Variants in PHLDB2 observed in about 807,000 individuals in gnomAD.
The protein encoded by PHLDB2 is pleckstrin homology-like domain family B member 2.
In PHLDB2, 71 loss-of-function variants were observed where a neutral mutation model predicts 123.6. That is an observed-to-expected ratio of 0.57 (90% CI 0.47 to 0.70). The LOEUF (loss-of-function observed/expected upper bound fraction) is 0.70. PHLDB2 is among the 30% of genes least tolerant of loss of function. The pLI, the probability that PHLDB2 is intolerant of heterozygous loss-of-function variation, is 0.00. For synonymous variants in PHLDB2, 547 were observed against 541.6 expected, an observed-to-expected ratio of 1.01 and a Z score of -0.14; for missense variants, 1,446 against 1,519.5, an observed-to-expected ratio of 0.95 and a Z score of 0.80.
chr3:111,814,662 G>A (rs2061993094), intron 1 of PHLDB2, among the ~76,000 whole-genome samples: 1 of 151,396 alleles, frequency 6.6e-6, no homozygotes, highest in African/African-American at 2.4e-5. Flanking sequence ...GTGGGGGTTG[G>A]CTTATGATTC....
intron 2 of PHLDB2, among the ~76,000 whole-genome samples, chr3:111,850,316 G>A (rs1217357953): frequency 1.3e-5 from 2 of 152,060 alleles, no homozygotes; most frequent in African/African-American, 2.4e-5. Flanking sequence ...AGGGGGGCAG[G>A]GCTAGGGATA....
chr3:111,735,093 G>T (rs1489111880), intron 1 of PHLDB2, among the ~76,000 whole-genome samples: 2 of 152,256 alleles, frequency 1.3e-5, no homozygotes, highest in Non-Finnish European at 2.9e-5. Context: ...CCCAACTAAA[G>T]TACAACATCT....
Position 111,952,685 on chromosome 3 carries a change from T to C in PHLDB2, c.2745T>C (p.Ala915=), listed in dbSNP as rs1018382189. Residue 915 remains alanine (A), a synonymous_variant, in exon 11 of 18, where the codon GCT becomes GCC. Coordinates refer to ENST00000431670, the MANE Select transcript of PHLDB2 (RefSeq NM_001134438.2). ...CCATCTCCCCACATTTCAGCAGTGC[T>C]ACTATGGGGAGAAGCATCACCCCAA... ...TSSISPHFSS[A]TMGRSITPKA... 5 of 1,613,662 alleles carry C rather than the reference T, an allele frequency of 3.1e-6. No individual in the cohort carries two copies. The highest frequency in any genetic ancestry group is 2.5e-6 in the Non-Finnish European group (3 of 1,179,822).
Position 111,962,119 on chromosome 3 carries a change from C to CAACA in PHLDB2, c.2885_2888dup (p.Met964ThrfsTer4). On this transcript the variant is annotated frameshift_variant, in exon 13 of 18. Transcript: ENST00000431670. LOFTEE classifies it high-confidence loss of function. Reference sequence around the variant, plus strand: ...GGCTCCTTCCTTAGGTTATAATCACCAACAGATGAGTGAAGGACACAGGCA... The same window carrying CAACA: ...GGCTCCTTCCTTAGGTTATAATCACCAACAAACAGATGAGTGAAGGACACAGGCA... The CAACA allele has an allele frequency of 6.3e-7, 1 of 1,578,320 alleles. No individual in the cohort carries two copies. Among genetic ancestry groups the CAACA allele is most frequent in the Non-Finnish European group, 8.5e-7 (1 of 1,170,476 alleles).
At chr3:111,879,964 T>A (rs1466325992) in intron 1 of PHLDB2, among the ~76,000 whole-genome samples, 1 of 150,584 alleles carries the variant, frequency 6.6e-6, no homozygotes, top group Admixed American at 6.7e-5. Context: ...GACCCATATC[T>A]TGAAACCCTT....
intron 1 of PHLDB2, among the ~76,000 whole-genome samples, chr3:111,782,129 G>A (rs1453910760): frequency 6.6e-6 from 1 of 152,066 alleles, no homozygotes; most frequent in Non-Finnish European, 1.5e-5. Context: ...AAGACTAAGT[G>A]TGAAGCTAAA....
chr3:111,744,929 AT>A (rs1433510322), intron 1 of PHLDB2, among the ~76,000 whole-genome samples: 1 of 152,268 alleles, frequency 6.6e-6, no homozygotes, highest in Non-Finnish European at 1.5e-5. Context: ...TGTGAGGAAA[AT>A]TAAGATGAAA....
At chr3:111,767,730 T>C (rs2060107314) in intron 1 of PHLDB2, among the ~76,000 whole-genome samples, 1 of 152,248 alleles carries the variant, frequency 6.6e-6, no homozygotes, top group Admixed American at 6.5e-5. Flanking sequence ...CAGCTATCTC[T>C]TACCCTTGTA....
chr3:111,821,965 C>G (rs2062405989), intron 1 of PHLDB2, among the ~76,000 whole-genome samples: 1 of 152,042 alleles, frequency 6.6e-6, no homozygotes, highest in African/African-American at 2.4e-5. Context: ...TGCTGGCAGG[C>G]AAAAATGTTT....
chr3:111,759,679 C>G (rs779527273), intron 1 of PHLDB2, among the ~76,000 whole-genome samples: 2 of 152,074 alleles, frequency 1.3e-5, no homozygotes, highest in African/African-American at 2.4e-5. Context: ...GGACATTATC[C>G]AAATCAGTCA....
chr3:111,865,206 G>T (rs1163379485), intron 1 of PHLDB2, among the ~76,000 whole-genome samples: 1 of 152,154 alleles, frequency 6.6e-6, no homozygotes, highest in Non-Finnish European at 1.5e-5. Context: ...TTCAAAAACA[G>T]CTTAAGATTT....
intron 1 of PHLDB2, among the ~76,000 whole-genome samples, chr3:111,740,633 C>T (rs950285168): frequency 1.3e-5 from 2 of 152,110 alleles, no homozygotes; most frequent in African/African-American, 4.8e-5. Context: ...ATATATAATG[C>T]TTAGTTGACT....
chr3:111,966,508 T>TGG, intron 13 of PHLDB2, 105 bp from the exon 14 acceptor site: 1 of 542,218 alleles, frequency 1.8e-6, no homozygotes, highest in Non-Finnish European at 3.1e-6. Context: ...CCCATGTGTG[T>TGG]GTGTGTGTGT....
chr3:111,924,040 A>G (rs1037122508), intron 5 of PHLDB2, among the ~76,000 whole-genome samples: 1 of 152,030 alleles, frequency 6.6e-6, no homozygotes. Context: ...TCTCAGAGTC[A>G]CCTTCCTTTC....
chr3:111,849,388 C>T lies in PHLDB2; in HGVS notation c.67+3453C>T, dbSNP rs538326929. ...GTTTTGCTATGTTGTCTAGGCTGGT[C>T]TCAAACTCCTGGGCTCAAATGATCC... On this transcript the variant is annotated intron_variant, in intron 2 of 17. Coordinates refer to the PHLDB2 transcript ENST00000393923. Among the ~76,000 whole-genome samples, 24 of 152,250 alleles carry T rather than the reference C, an allele frequency of 1.6e-4. No individual in the cohort carries two copies. The South Asian group carries it at 3.5e-3, about 22-fold the overall frequency.
At chr3:111,893,094 A>C (rs34001830) in intron 2 of PHLDB2, among the ~76,000 whole-genome samples, 90,997 of 151,062 alleles carry the variant, frequency 0.6, 28,091 homozygotes, top group East Asian at 0.94. Context: ...AGTCCTGACC[A>C]CCCCCCCAAA....
chr3:111,890,328 A>G lies in PHLDB2; in HGVS notation c.1335+4916A>G, dbSNP rs2066405968. Among the ~76,000 whole-genome samples, 3 of 152,236 alleles carry G rather than the reference A, an allele frequency of 2.0e-5. No homozygotes were observed. The South Asian group carries it at 6.2e-4, about 31-fold the overall frequency. The stretch of plus-strand genomic sequence containing the variant: ...CAAAAGCTAAAGAGATTAGCGAGTC[A>G]GTGAAGGTGATGTTCTACTGCCATT... On this transcript the variant is annotated intron_variant, in intron 2 of 17. Coordinates refer to ENST00000431670, the MANE Select transcript of PHLDB2 (RefSeq NM_001134438.2).
chr3:111,788,015 T>A (rs1364927392), intron 1 of PHLDB2, among the ~76,000 whole-genome samples: 1 of 152,204 alleles, frequency 6.6e-6, no homozygotes, highest in Non-Finnish European at 1.5e-5. Context: ...GGAGCATGAA[T>A]TGGAAACAGG....
chr3:111,950,060 G>A (rs2107629668), intron 10 of PHLDB2, among the ~76,000 whole-genome samples: 1 of 152,194 alleles, frequency 6.6e-6, no homozygotes, highest in East Asian at 1.9e-4. Context: ...AAGAGTGTTA[G>A]AATTGTTGTA....
Sources: gnomAD v4.1 joint callset for allele counts (sites outside exome capture counted in the v4.1 genomes callset) on GRCh38, gnomAD v4.1.1 for gene constraint, MANE v1.5 for transcripts, NCBI Gene and HGNC (gene_info 2026-07-23, HGNC 2026-07-21) for gene names.